Variants in LMO7 observed in about 807,000 individuals in gnomAD.
The protein encoded by LMO7 is LIM domain 7.
In LMO7, 120 loss-of-function variants were observed where a neutral mutation model predicts 206.5. That is an observed-to-expected ratio of 0.58 (90% CI 0.50 to 0.68). The LOEUF is 0.68. LMO7 is among the 30% of genes least tolerant of loss of function. LMO7 has a pLI of 0.00. For synonymous variants in LMO7, 706 were observed against 681.5 expected, an observed-to-expected ratio of 1.04 and a Z score of -0.56; for missense variants, 1,959 against 1,957.9, an observed-to-expected ratio of 1.00 and a Z score of -0.01.
chr13:75,662,210 C>T (rs761605063), intron 1 of LMO7, among the ~76,000 whole-genome samples: 11 of 152,180 alleles, frequency 7.2e-5, no homozygotes, highest in Non-Finnish European at 1.2e-4. Context: ...TGAATATAAG[C>T]ACACATTTTG....
intron 1 of LMO7, among the ~76,000 whole-genome samples, chr13:75,668,472 C>T (rs745760100): frequency 6.6e-6 from 1 of 152,086 alleles, no homozygotes; most frequent in African/African-American, 2.4e-5. Context: ...TGAACTCTGT[C>T]CTCTTATTTC....
intron 3 of LMO7, among the ~76,000 whole-genome samples, chr13:75,757,457 C>A (rs2047764037): frequency 6.6e-6 from 1 of 152,170 alleles, no homozygotes; most frequent in South Asian, 2.1e-4. Context: ...CTACAGTGAA[C>A]AAATACAAAC....
At chr13:75,828,596 G>A (rs985883619) in intron 15 of LMO7, among the ~76,000 whole-genome samples, 1 of 152,184 alleles carries the variant, frequency 6.6e-6, no homozygotes, top group African/African-American at 2.4e-5. Context: ...GAAATGTAGA[G>A]TTTGAAATCT....
At chr13:75,825,274 A>G (rs758922869) in intron 15 of LMO7, among the ~76,000 whole-genome samples, 8 of 152,210 alleles carry the variant, frequency 5.3e-5, no homozygotes, top group African/African-American at 1.9e-4. Flanking sequence ...GATGAATAAT[A>G]AAAGCAGAAG....
chr13:75,781,096 C>CTTTTTTTTTTTTTTTTTT (rs367937964), intron 4 of LMO7, among the ~76,000 whole-genome samples: 8 of 41,918 alleles, frequency 1.9e-4, no homozygotes, highest in Non-Finnish European at 2.8e-4. Context: ...CTCTATTTTC[C>CTTTTTTTTTTTTTTTTTT]TTTTTTTTTT....
rs1002599390 is a variant in LMO7, at chr13:75,805,677, A to G, written c.1113A>G (p.Lys371=). The change falls in exon 9 of 31, where the codon AAA becomes AAG. Residue 371 remains lysine, a synonymous_variant. Coordinates refer to ENST00000377534, the MANE Select transcript of LMO7 (RefSeq NM_001306080.2). ...ATGCTTTTGATCAGTTTCTTCCCAA[A>G]TGTTGGACCCCAGAAGATGTGAACT... is the stretch of plus-strand genomic sequence containing the variant. ...PGNAFDQFLP[K]CWTPEDVNWK... The G allele has an allele frequency of 6.8e-6, 11 of 1,613,906 alleles. No individual in the cohort carries two copies. The highest frequency in any genetic ancestry group is 9.3e-6 in the Non-Finnish European group (11 of 1,179,882).
intron 1 of LMO7, among the ~76,000 whole-genome samples, chr13:75,682,509 C>G (rs911429927): frequency 2.6e-5 from 4 of 152,084 alleles, no homozygotes; most frequent in African/African-American, 4.8e-5. Flanking sequence ...CCATGAGTGC[C>G]AAGGGACAGA....
intron 4 of LMO7, among the ~76,000 whole-genome samples, chr13:75,784,046 C>T (rs1255165055): frequency 6.6e-6 from 1 of 152,014 alleles, no homozygotes; most frequent in African/African-American, 2.4e-5. Flanking sequence ...TCCCTTGGCC[C>T]CATGACATTT....
intron 1 of LMO7, among the ~76,000 whole-genome samples, chr13:75,678,121 A>G (rs1310961118): frequency 6.6e-6 from 1 of 152,078 alleles, no homozygotes; most frequent in Non-Finnish European, 1.5e-5. Flanking sequence ...ATGTGTCTTT[A>G]TAGCAGCATG....
intron 8 of LMO7, 73 bp downstream of exon 8, chr13:75,804,614 GAATGGCTCTTA>G: frequency 6.7e-7 from 1 of 1,492,568 alleles, no homozygotes; most frequent in Non-Finnish European, 9.1e-7. Context: ...GTGGTAAAAA[GAATGGCTCTTA>G]AATGTGTTTC....
At chr13:75,795,897 G>A (rs745841277) in intron 5 of LMO7, among the ~76,000 whole-genome samples, 7 of 152,122 alleles carry the variant, frequency 4.6e-5, no homozygotes, top group Non-Finnish European at 8.8e-5. Flanking sequence ...CTTGATAGGG[G>A]CAGCAAACCA....
intron 1 of LMO7, among the ~76,000 whole-genome samples, chr13:75,654,675 G>A (rs567534974): frequency 6.6e-6 from 1 of 152,120 alleles, no homozygotes; most frequent in African/African-American, 2.4e-5. Context: ...AATTTTCCTA[G>A]CAGGATTTTC....
At chr13:75,760,767 A>T in intron 3 of LMO7, 165 bp from the exon 4 acceptor site, 1 of 1,537,912 alleles carries the variant, frequency 6.5e-7, no homozygotes, top group East Asian at 2.4e-5. Context: ...AGGCTGTACA[A>T]GCCCTATGTA....
chr13:75,675,231 G>A (rs1440150560), intron 1 of LMO7, among the ~76,000 whole-genome samples: 1 of 151,804 alleles, frequency 6.6e-6, no homozygotes, highest in African/African-American at 2.4e-5. Flanking sequence ...CTGCCACCAT[G>A]CCTGTCTAAT....
intron 1 of LMO7, among the ~76,000 whole-genome samples, chr13:75,655,550 G>T (rs1488060646): frequency 6.6e-6 from 1 of 150,648 alleles, no homozygotes; most frequent in African/African-American, 2.5e-5. Context: ...TAAAAGTATT[G>T]CTCTGTAGTT....
Position 75,761,001 on chromosome 13 carries a change from G to A in LMO7, c.280G>A (p.Gly94Arg), listed in dbSNP as rs779165743. The A allele has an allele frequency of 2.5e-6, 4 of 1,612,910 alleles. No individual in the cohort carries two copies. The Admixed American group carries it at 6.7e-5, about 27-fold the overall frequency. The change falls in exon 4 of 31, where the codon GGA becomes AGA. Residue 94 changes from glycine (G) to arginine (R), a missense_variant. Coordinates refer to ENST00000377534, the MANE Select transcript of LMO7 (RefSeq NM_001306080.2). ...GLKEAQLFHP[G>R]DLQDLSNRVT... is the part of the protein sequence containing the mutation. ...GAAAGAAGCCCAGCTTTTCCATCCT[G>A]GAGATCTACAGGATTTATCAAATCG...
intron 4 of LMO7, among the ~76,000 whole-genome samples, chr13:75,769,086 A>T (rs1012670075): frequency 6.6e-6 from 1 of 152,170 alleles, no homozygotes; most frequent in Admixed American, 6.6e-5. Context: ...ATTATGTCAA[A>T]ATGCATTAAG....
rs754458398 is a variant in LMO7, at chr13:75,841,116, A to G, written c.3590A>G (p.Tyr1197Cys). 2 of 1,607,260 alleles carry G rather than the reference A, an allele frequency of 1.2e-6. No homozygotes were observed. Among genetic ancestry groups the G allele is most frequent in the South Asian group, 1.1e-5 (1 of 90,650 alleles). Reference sequence around the variant, plus strand: ...TGTCATATTTTCTTATAGGAAAAATATCAACGTGAGCAGGAGAAACTGAGG... The same window carrying G: ...TGTCATATTTTCTTATAGGAAAAATGTCAACGTGAGCAGGAGAAACTGAGG... Reference protein sequence around the residue: ...KEQDRLLQEKYQREQEKLREE... With the variant: ...KEQDRLLQEKCQREQEKLREE... The change falls in exon 23 of 31, where the codon TAT (tyrosine) becomes TGT (cysteine). Residue 1197 changes from tyrosine (Y) to cysteine (C), a missense_variant. Tyr to Cys is a radical substitution (Grantham distance 194, BLOSUM62 -2). Coordinates refer to ENST00000377534, the MANE Select transcript of LMO7 (RefSeq NM_001306080.2).
intron 4 of LMO7, among the ~76,000 whole-genome samples, chr13:75,794,997 G>A (rs918242015): frequency 7.9e-5 from 12 of 151,832 alleles, no homozygotes; most frequent in African/African-American, 2.9e-4. Flanking sequence ...GTGTTTTTAA[G>A]GTTTTTTTCC....
Sources: allele counts gnomAD v4.1 joint callset (sites outside exome capture counted in the v4.1 genomes callset), GRCh38; gene constraint gnomAD v4.1.1; transcripts MANE v1.5; gene names NCBI Gene and HGNC (gene_info 2026-07-23, HGNC 2026-07-21).